The following AFG3L2 variants were observed in gnomAD, a reference collection of about 807,000 sequenced individuals.
AFG3L2 encodes mitochondrial inner membrane m-AAA protease component AFG3L2.
AFG3L2 carries 54 observed loss-of-function variants against 94.5 expected under a neutral mutation model. That is an observed-to-expected ratio of 0.57 (90% confidence interval 0.46 to 0.72). AFG3L2 has a LOEUF of 0.72. Ranked by LOEUF, AFG3L2 falls within the 30% of genes least tolerant of loss-of-function variation. AFG3L2 has a pLI of 0.00. For synonymous variants in AFG3L2, 377 were observed against 365.5 expected, an observed-to-expected ratio of 1.03 and a Z score of -0.36; for missense variants, 754 against 994.9, an observed-to-expected ratio of 0.76 and a Z score of 3.26.
intron 1 of AFG3L2, among the ~76,000 whole-genome samples, chr18:12,376,365 C>G (rs1351356655): frequency 6.6e-6 from 1 of 152,230 alleles, no homozygotes; most frequent in Non-Finnish European, 1.5e-5. Flanking sequence ...AAACACGTAT[C>G]AGGTCCCGTG....
intron 1 of AFG3L2, among the ~76,000 whole-genome samples, chr18:12,374,661 A>G (rs1033984870): frequency 6.6e-6 from 1 of 152,230 alleles, no homozygotes; most frequent in Non-Finnish European, 1.5e-5. Flanking sequence ...AGTGTCACTC[A>G]AAAGGAAAGC....
At chr18:12,360,319 A>G in intron 6 of AFG3L2, 1 of 411,756 alleles carries the variant, frequency 2.4e-6, no homozygotes, top group Non-Finnish European at 4.3e-6. Flanking sequence ...AGAATGAAAA[A>G]CCTATTTGAA....
At position 12,329,203 on chromosome 18, in the gene AFG3L2, A is replaced by G. The variant is rs1283457005; in HGVS notation, c.*362T>C. 1.7e-5 allele frequency: 12 copies of G among 702,822 alleles called. No individual in the cohort carries two copies. The highest frequency in any genetic ancestry group is 2.9e-5 in the Non-Finnish European group (11 of 385,006). 43.5% of individuals were successfully genotyped at this position (702,822 alleles called of 1,614,324 possible). On this transcript the variant is annotated 3_prime_UTR_variant, in exon 17 of 17. Coordinates refer to ENST00000269143, the MANE Select transcript of AFG3L2 (RefSeq NM_006796.3). Reference sequence around the variant, plus strand: ...GAATGAAGAGTGGGCGACAAAGAGAAAGCATCCCTTCCCACACGCCAAGAG... The same window carrying G: ...GAATGAAGAGTGGGCGACAAAGAGAGAGCATCCCTTCCCACACGCCAAGAG...
chr18:12,374,510 G>A (rs1212370609), intron 1 of AFG3L2, among the ~76,000 whole-genome samples: 1 of 152,172 alleles, frequency 6.6e-6, no homozygotes, highest in Non-Finnish European at 1.5e-5. Flanking sequence ...ATGCCCAGGT[G>A]TCACTAGGCA....
intron 16 of AFG3L2, among the ~76,000 whole-genome samples, chr18:12,330,621 T>C (rs1907492039): frequency 6.6e-6 from 1 of 151,644 alleles, no homozygotes; most frequent in African/African-American, 2.4e-5. Flanking sequence ...CTACTAAAAA[T>C]ACAAAAATTA....
chr18:12,332,998 T>A (rs1418527794), intron 16 of AFG3L2, among the ~76,000 whole-genome samples: 1 of 94,938 alleles, frequency 1.1e-5, no homozygotes, highest in Admixed American at 1.5e-4. Context: ...TTATATAAAT[T>A]ATATATAATA....
chr18:12,363,832 T>A lies in AFG3L2; in HGVS notation c.577A>T (p.Lys193Ter). Residue 193 changes from lysine (K) to a stop codon, truncating the protein, a stop_gained, in exon 6 of 17, where the codon AAG becomes TAG. Transcript: ENST00000269143. LOFTEE classifies it high-confidence loss of function. ...GTAAAGGTCACTCGAACAAAACGCT[T>A]GTTGACGACTTCCAATCTGTCTACC... ...GVVDRLEVVN[K>*]RFVRVTFTPG... is the part of the protein sequence containing the mutation. The A allele has an allele frequency of 1.2e-6, 2 of 1,613,344 alleles. No individual in the cohort carries two copies. The highest frequency in any genetic ancestry group is 1.7e-6 in the Non-Finnish European group (2 of 1,179,738).
chr18:12,345,665 G>A (rs1305866986), intron 13 of AFG3L2, among the ~76,000 whole-genome samples: 3 of 152,048 alleles, frequency 2.0e-5, no homozygotes, highest in Non-Finnish European at 4.4e-5. Flanking sequence ...CTGCCTGCGG[G>A]GCCCAGCAGC....
intron 5 of AFG3L2, among the ~76,000 whole-genome samples, chr18:12,364,108 G>A (rs1908739143): frequency 6.6e-6 from 1 of 151,622 alleles, no homozygotes; most frequent in African/African-American, 2.4e-5. Context: ...TACACATGAA[G>A]GTAACCCTAC....
intron 15 of AFG3L2, 32 bp downstream of exon 15, chr18:12,340,167 CAT>C (rs1341002587): frequency 6.4e-7 from 1 of 1,561,714 alleles, no homozygotes; most frequent in East Asian, 2.2e-5. Context: ...AATATGAATA[CAT>C]GAGGAGGAAA....
intron 1 of AFG3L2, among the ~76,000 whole-genome samples, chr18:12,376,484 T>C (rs934263645): frequency 6.6e-6 from 1 of 152,132 alleles, no homozygotes; most frequent in Non-Finnish European, 1.5e-5. Flanking sequence ...ACATTCTTAA[T>C]AATAATAGCT....
At chr18:12,333,754 G>A (rs1907658975) in intron 16 of AFG3L2, among the ~76,000 whole-genome samples, 1 of 152,122 alleles carries the variant, frequency 6.6e-6, no homozygotes, top group East Asian at 1.9e-4. Flanking sequence ...TAACCAGCAT[G>A]CACTTGACAT....
At chr18:12,345,912 A>G (rs948662463) in intron 13 of AFG3L2, among the ~76,000 whole-genome samples, 10 of 152,214 alleles carry the variant, frequency 6.6e-5, no homozygotes, top group African/African-American at 2.2e-4. Flanking sequence ...TTCATTGTTT[A>G]CTGGGCACCT....
intron 1 of AFG3L2, among the ~76,000 whole-genome samples, chr18:12,374,368 A>G (rs995412989): frequency 2.6e-5 from 4 of 152,204 alleles, no homozygotes; most frequent in Admixed American, 2.0e-4. Flanking sequence ...TGGGCATCAC[A>G]CCTGAGAACT....
chr18:12,371,511 A>T, intron 2 of AFG3L2, 81 bp downstream of exon 2: 1 of 1,055,584 alleles, frequency 9.5e-7, no homozygotes, highest in Non-Finnish European at 1.5e-6. Context: ...CATAAGTTGG[A>T]GGCAGGGGAA....
At chr18:12,367,238 T>A (rs1435755460) in intron 4 of AFG3L2, 38 bp downstream of exon 4, 1 of 1,613,658 alleles carries the variant, frequency 6.2e-7, no homozygotes, top group East Asian at 2.2e-5. Flanking sequence ...TGGGCCACCA[T>A]CATAACCTCA....
chr18:12,339,882 T>C (rs1185424283), intron 15 of AFG3L2, among the ~76,000 whole-genome samples: 1 of 145,910 alleles, frequency 6.9e-6, no homozygotes, highest in African/African-American at 2.5e-5. Flanking sequence ...TAGCCACATG[T>C]GGTGGCGCAT....
At chr18:12,370,054 C>CAAAAA (rs796293157) in intron 3 of AFG3L2, among the ~76,000 whole-genome samples, 545 of 35,956 alleles carry the variant, frequency 0.015, 32 homozygotes, top group African/African-American at 0.02. Context: ...GACTCTGTCT[C>CAAAAA]AAAAAAAAAA....
chr18:12,337,167 T>C (rs762508876), intron 16 of AFG3L2, 174 bp downstream of exon 16: 3 of 675,002 alleles, frequency 4.4e-6, no homozygotes, highest in Non-Finnish European at 8.0e-6. Context: ...GCTCACCACA[T>C]TGCAACCCCC....
Sources: allele counts gnomAD v4.1 joint callset (sites outside exome capture counted in the v4.1 genomes callset), GRCh38; gene constraint gnomAD v4.1.1; transcripts MANE v1.5; gene names NCBI Gene and HGNC (gene_info 2026-07-23, HGNC 2026-07-21).